The following PRKAR1A variants were observed in gnomAD, a reference collection of about 807,000 sequenced individuals.
The protein encoded by PRKAR1A is cAMP-dependent protein kinase type I-alpha regulatory subunit.
A neutral mutation model predicts 52.0 loss-of-function variants in PRKAR1A; 3 were observed. The observed-to-expected ratio is 0.06, with a 90% CI of 0.03 to 0.15. PRKAR1A has a LOEUF of 0.15. Ranked by LOEUF, PRKAR1A falls within the 10% of genes least tolerant of loss-of-function variation. The pLI is 1.00. For missense variants in PRKAR1A, 240 were observed against 477.4 expected, an observed-to-expected ratio of 0.50 and a Z score of 4.63; for synonymous variants, 188 against 168.4, an observed-to-expected ratio of 1.12 and a Z score of -0.90.
the PRKAR1A span, among the ~76,000 whole-genome samples, chr17:68,499,715 C>T: frequency 6.6e-6 from 1 of 152,194 alleles, no homozygotes; most frequent in East Asian, 1.9e-4. Context: ...TTGTGTTGGT[C>T]CTCTAGAGTT....
At chr17:68,545,792 G>A (rs1236027574) in intron 11 of PRKAR1A, among the ~76,000 whole-genome samples, 1 of 152,116 alleles carries the variant, frequency 6.6e-6, no homozygotes, top group African/African-American at 2.4e-5. Context: ...AATCCTCTGT[G>A]GCCATCTCAA....
chr17:68,499,953 A>C, the PRKAR1A span, among the ~76,000 whole-genome samples: 1 of 152,260 alleles, frequency 6.6e-6, no homozygotes, highest in Non-Finnish European at 1.5e-5. Context: ...ACATTAACTA[A>C]CAGGTCACTT....
the PRKAR1A span, chr17:68,457,561 C>T: frequency 5.7e-6 from 1 of 176,982 alleles, no homozygotes; most frequent in Non-Finnish European, 8.5e-6. Context: ...CCTACCCCGC[C>T]CCGTCCCCAC....
At chr17:68,457,196 C>T in the PRKAR1A span, 1 of 934,770 alleles carries the variant, frequency 1.1e-6, no homozygotes, top group Non-Finnish European at 1.6e-6. Flanking sequence ...ACGGGGATAA[C>T]AAGATCCCAA....
chr17:68,465,716 G>A, the PRKAR1A span, among the ~76,000 whole-genome samples: 2 of 139,852 alleles, frequency 1.4e-5, no homozygotes, highest in African/African-American at 2.7e-5. Flanking sequence ...TGATCCACCC[G>A]CCTGGGCCTC....
At chr17:68,455,770 TA>T in the PRKAR1A span, among the ~76,000 whole-genome samples, 1 of 152,234 alleles carries the variant, frequency 6.6e-6, no homozygotes, top group Non-Finnish European at 1.5e-5. Flanking sequence ...TTGCGTTATT[TA>T]ATGGCTAGAG....
chr17:68,416,424 T>C, the PRKAR1A span, among the ~76,000 whole-genome samples: 1 of 152,164 alleles, frequency 6.6e-6, no homozygotes, highest in African/African-American at 2.4e-5. Flanking sequence ...TATTTTTGTC[T>C]CATGTTTTTC....
At chr17:68,523,658 C>T (rs1340342620) in intron 3 of PRKAR1A, 67 bp from the exon 4 acceptor site, 24 of 1,216,348 alleles carry the variant, frequency 2.0e-5, no homozygotes, top group South Asian at 1.6e-4. Flanking sequence ...TTAATTGAAG[C>T]GCAGGTTGCA....
intron 8 of PRKAR1A, 58 bp from the exon 9 acceptor site, chr17:68,528,812 T>G: frequency 6.2e-7 from 1 of 1,601,584 alleles, no homozygotes; most frequent in Non-Finnish European, 8.6e-7. Flanking sequence ...TACTTTCTTT[T>G]TACCTTTATA....
chr17:68,523,055 G>T (rs1266968286), intron 3 of PRKAR1A, 129 bp downstream of exon 3: 2 of 1,138,272 alleles, frequency 1.8e-6, no homozygotes, highest in Middle Eastern at 2.8e-4. Context: ...ACAATTCTTG[G>T]GTACTGGAAA....
At chr17:68,527,539 G>A (rs2085829843) in intron 7 of PRKAR1A, 1 of 365,080 alleles carries the variant, frequency 2.7e-6, no homozygotes, top group South Asian at 2.5e-5. Flanking sequence ...GGTATAAACC[G>A]GTATTTCGAC....
the PRKAR1A span, among the ~76,000 whole-genome samples, chr17:68,496,953 A>G: frequency 6.6e-6 from 1 of 151,046 alleles, no homozygotes; most frequent in East Asian, 1.9e-4. Flanking sequence ...CCCCACAAAT[A>G]GCTGGGACTA....
rs66842235 is a variant in PRKAR1A, at chr17:68,550,943, GGCTCTCAA to G, written c.974-140_974-133del. On this transcript the variant is annotated intron_variant, in intron 11 of 11. Coordinates refer to the PRKAR1A transcript ENST00000585981. ...CCCTGCCCTTAGAACCATCTACTGG[GGCTCTCAA>G]TGGGCCTCCCCTTGAATGGCTGAAG... The G allele has an allele frequency of 0.01, 6,173 of 599,940 alleles. 308 individuals are homozygous for G. The African/African-American group carries it at 0.11, about 10-fold the overall frequency. 37.2% of individuals were successfully genotyped at this position (599,940 alleles called of 1,614,324 possible).
At chr17:68,472,791 CA>C in the PRKAR1A span, among the ~76,000 whole-genome samples, 1 of 151,674 alleles carries the variant, frequency 6.6e-6, no homozygotes, top group Non-Finnish European at 1.5e-5. Context: ...ACTAAAAATA[CA>C]AAAATTAGCT....
Position 68,538,716 on chromosome 17 carries a change from G to A in PRKAR1A, c.973+8715G>A, listed in dbSNP as rs149629618. 1.8e-3 allele frequency among the ~76,000 whole-genome samples: 275 copies of A among 152,342 alleles called. 2 individuals carry two copies. Among genetic ancestry groups the A allele is most frequent in the African/African-American group, 5.7e-3 (237 of 41,586 alleles). On this transcript the variant is annotated intron_variant, in intron 11 of 11. Transcript: ENST00000585981. ...GCTGGGCAAAGCAGAGGTCTGATTA[G>A]TAATATCAAAACCCAGCAGACTGCA...
At chr17:68,430,010 G>A in the PRKAR1A span, 1 of 1,614,210 alleles carries the variant, frequency 6.2e-7, no homozygotes, top group Non-Finnish European at 8.5e-7. Flanking sequence ...AGAGGGTACA[G>A]ATGTTCCTCT....
At chr17:68,441,361 G>A in the PRKAR1A span, among the ~76,000 whole-genome samples, 1 of 152,238 alleles carries the variant, frequency 6.6e-6, no homozygotes. Flanking sequence ...TAATTTACTT[G>A]TAGTTTATGA....
At chr17:68,547,087 C>T (rs571009447) in intron 11 of PRKAR1A, among the ~76,000 whole-genome samples, 2 of 151,850 alleles carry the variant, frequency 1.3e-5, no homozygotes, top group South Asian at 4.2e-4. Flanking sequence ...ATGCTGTTAA[C>T]AGATGTGTGG....
At chr17:68,533,986 A>G (rs1435383660), downstream of PRKAR1A, among the ~76,000 whole-genome samples, 1 of 152,070 alleles carries the variant, frequency 6.6e-6, no homozygotes, top group African/African-American at 2.4e-5. Flanking sequence ...TAGCCTCCCA[A>G]AGTGCTAGCA....
Sources: gnomAD v4.1 joint callset for allele counts (sites outside exome capture counted in the v4.1 genomes callset) on GRCh38, gnomAD v4.1.1 for gene constraint, MANE v1.5 for transcripts, NCBI Gene and HGNC (gene_info 2026-07-23, HGNC 2026-07-21) for gene names.